The following SIX2 variants were observed in gnomAD, a reference collection of about 807,000 sequenced individuals.
SIX2 encodes the protein homeobox protein SIX2.
A neutral mutation model predicts 22.8 loss-of-function variants in SIX2; 20 were observed. The observed-to-expected ratio is 0.88, with a 90% CI of 0.62 to 1.28. The LOEUF is 1.28. Ranked by LOEUF, SIX2 falls within the 50% of genes most tolerant of loss-of-function variation. SIX2 has a pLI of 0.00. For synonymous variants in SIX2, 195 were observed against 186.4 expected, an observed-to-expected ratio of 1.05 and a Z score of -0.37; for missense variants, 360 against 400.0, an observed-to-expected ratio of 0.90 and a Z score of 0.85.
Position 45,008,928 on chromosome 2 carries a change from G to C in SIX2, c.183C>G (p.Gly61=). The C allele has an allele frequency of 1.2e-6, 2 of 1,613,922 alleles. No homozygotes were observed. The highest frequency in any genetic ancestry group is 1.7e-6 in the Non-Finnish European group (2 of 1,179,970). ...KAKAVVAFHR[G]NFRELYKILE... ...GGATCTTGTAGAGCTCGCGGAAGTT[G>C]CCGCGGTGGAAGGCCACCACGGCCT... is the stretch of plus-strand genomic sequence containing the variant. The change falls in exon 1 of 2, where the codon GGC becomes GGG. Residue 61 remains glycine (G), a synonymous_variant. Transcript: ENST00000303077.
Position 45,008,700 on chromosome 2 carries a change from G to A in SIX2, c.411C>T (p.Ser137=), listed in dbSNP as rs1443425620. 1 of 1,614,104 alleles carries A rather than the reference G, an allele frequency of 6.2e-7. No individual in the cohort carries two copies. Among genetic ancestry groups the A allele is most frequent in the African/African-American group, 1.3e-5 (1 of 75,076 alleles). ...TSYCFKEKSR[S]VLREWYAHNP... is the part of the protein sequence containing the mutation. ...TGTGCGCGTACCACTCGCGCAGCAC[G>A]CTGCGACTCTTTTCCTTGAAGCAGT... The change falls in exon 1 of 2, where the codon AGC becomes AGT. Residue 137 remains serine (S), a synonymous_variant. Transcript: ENST00000303077.
At position 45,005,429 on chromosome 2, in the gene SIX2, C is replaced by G. The variant is rs80289874; in HGVS notation, c.*741G>C. The stretch of plus-strand genomic sequence containing the variant: ...AGGCGGCGTTTAGGGGCTTCTGTGG[C>G]GCTGCCCTTTCTCTCTCACTTAAGT... On this transcript the variant is annotated 3_prime_UTR_variant, in exon 2 of 2. Transcript: ENST00000303077. 1 of 152,290 alleles carries G rather than the reference C, an allele frequency of 6.6e-6. No homozygotes were observed. 9.4% of individuals were successfully genotyped at this position (152,290 alleles called of 1,614,324 possible).
Position 45,009,089 on chromosome 2 carries a change from C to G in SIX2, c.22G>C (p.Gly8Arg). The change falls in exon 1 of 2, where the codon GGC becomes CGC. Residue 8 changes from glycine to arginine, a missense_variant. Physicochemically the swap from Gly to Arg is moderately radical, Grantham distance 125. Coordinates refer to ENST00000303077, the MANE Select transcript of SIX2 (RefSeq NM_016932.5). The stretch of plus-strand genomic sequence containing the variant: ...CACGCCACTTGCTCCTGCGTGAAGC[C>G]GAAGGTGGGCAGCATGGACATGGTG... MSMLPTF[G>R]FTQEQVACVC... 6.3e-7 allele frequency: 1 copy of G among 1,585,854 alleles called. No homozygotes were observed. The highest frequency in any genetic ancestry group is 8.5e-7 in the Non-Finnish European group (1 of 1,172,324).
chr2:45,006,153 A>T lies in SIX2; in HGVS notation c.*17T>A. 1 of 1,612,048 alleles carries T rather than the reference A, an allele frequency of 6.2e-7. No individual in the cohort carries two copies. Among genetic ancestry groups the T allele is most frequent in the Non-Finnish European group, 8.5e-7 (1 of 1,178,294 alleles). ...GTGTCAAGTCACAAAAGGCAAGCTC[A>T]TCAAGGCAAATGGGTTCTAGGAGCC... On this transcript the variant is annotated 3_prime_UTR_variant, in exon 2 of 2. Coordinates refer to ENST00000303077, the MANE Select transcript of SIX2 (RefSeq NM_016932.5). This position sits in a 1 kb window ranked among gnomAD's most constrained non-coding sequence, Gnocchi z 4.2.
Position 45,005,755 on chromosome 2 carries a change from C to G in SIX2, c.*415G>C. 1 of 317,572 alleles carries G rather than the reference C, an allele frequency of 3.1e-6. No homozygotes were observed. Among genetic ancestry groups the G allele is most frequent in the Non-Finnish European group, 6.0e-6 (1 of 165,444 alleles). 19.7% of individuals were successfully genotyped at this position (317,572 alleles called of 1,614,324 possible). A position where few individuals can be genotyped will look rare whatever the true frequency, so the allele number is the denominator to read the frequency against. ...GACAGAAGGAGAGAATGAACGGTGGCAAGCTAGAAATCTAGAAGGAAAGCA... is the reference window on the plus strand; with the variant it reads ...GACAGAAGGAGAGAATGAACGGTGGGAAGCTAGAAATCTAGAAGGAAAGCA... On this transcript the variant is annotated 3_prime_UTR_variant, in exon 2 of 2. Transcript: ENST00000303077.
rs1185453944 is a variant in SIX2 at position 45,009,154 on chromosome 2, G to A, written c.-44C>T. 4.1e-6 allele frequency: 6 copies of A among 1,476,244 alleles called. No homozygotes were observed. The African/African-American group carries it at 5.8e-5, about 14-fold the overall frequency. 91.4% of individuals were successfully genotyped at this position (1,476,244 alleles called of 1,614,324 possible). ...GCCCGCCCGCGCGCGCCCTCACCGG[G>A]CCGCGCGGTCCCGCATGGGAGCTTC... On this transcript the variant is annotated 5_prime_UTR_variant, in exon 1 of 2. Transcript: ENST00000303077.
intron 1 of SIX2, 93 bp downstream of exon 1, chr2:45,008,458 G>C: frequency 1.4e-6 from 2 of 1,409,034 alleles, no homozygotes; most frequent in Non-Finnish European, 2.0e-6. Context: ...TGGGGGCCCA[G>C]TTTAGGCCTC....
In SIX2 at chr2:45,009,375, T is replaced by TGCTCCGCGC. The variant is rs1043263252; in HGVS notation, c.-274_-266dup. 1 of 162,902 alleles carries TGCTCCGCGC rather than the reference T, an allele frequency of 6.1e-6. No homozygotes were observed. The highest frequency in any genetic ancestry group is 1.3e-5 in the Non-Finnish European group (1 of 76,820). The allele number at this position is 162,902 out of a possible 1,614,324, so 10.1% of individuals were successfully genotyped here. On this transcript the variant is annotated 5_prime_UTR_variant, in exon 1 of 2. Transcript: ENST00000303077. Reference sequence around the variant, plus strand: ...GGGCCGCCCGGGGCGCCGCTCCGCATGCTCCGCGCCCGCCCGCCGTTCCCT... The same window carrying TGCTCCGCGC: ...GGGCCGCCCGGGGCGCCGCTCCGCATGCTCCGCGCGCTCCGCGCCCGCCCGCCGTTCCCT...
At position 45,005,908 on chromosome 2, in the gene SIX2, C is replaced by T. The variant is rs1572647967; in HGVS notation, c.*262G>A. 4.2e-5 allele frequency: 25 copies of T among 589,000 alleles called. No individual in the cohort carries two copies. In the East Asian group the frequency reaches 7.0e-4, roughly 16 times the overall value. The allele number at this position is 589,000 out of a possible 1,614,324, so 36.5% of individuals were successfully genotyped here. On this transcript the variant is annotated 3_prime_UTR_variant, in exon 2 of 2. Transcript: ENST00000303077. ...AGAGACAGAGGGAGAGAGAGAATGA[C>T]AGTGGTGTATAATTTATTCCCTTCT...
At chr2:45,007,791 C>A (rs1667792638) in intron 1 of SIX2, among the ~76,000 whole-genome samples, 1 of 152,128 alleles carries the variant, frequency 6.6e-6, no homozygotes, top group African/African-American at 2.4e-5. Context: ...CCTGGTTTAC[C>A]TGAGGACATC....
In SIX2 at chr2:45,006,389, C is replaced by CGATGGAGTCT. The variant is rs1558439864; in HGVS notation, c.647_656dup (p.Gly220AspfsTer116). 1 of 1,614,184 alleles carries CGATGGAGTCT rather than the reference C, an allele frequency of 6.2e-7. No homozygotes were observed. The highest frequency in any genetic ancestry group is 2.2e-5 in the East Asian group (1 of 44,882). The stretch of plus-strand genomic sequence containing the variant: ...TGGATGATGAGTGGTCTGGCGTCCC[C>CGATGGAGTCT]GATGGAGTCTTCTCATCCTCCGAGC... On this transcript the variant is annotated frameshift_variant, in exon 2 of 2. Coordinates refer to ENST00000303077, the MANE Select transcript of SIX2 (RefSeq NM_016932.5). LOFTEE classifies it high-confidence loss of function. The surrounding 1 kb of genome is among the most constrained non-coding windows in gnomAD (Gnocchi z 4.2).
intron 1 of SIX2, among the ~76,000 whole-genome samples, chr2:45,008,345 C>T (rs1199774687): frequency 6.6e-6 from 1 of 152,276 alleles, no homozygotes; most frequent in Non-Finnish European, 1.5e-5. Context: ...TCCTGAATTG[C>T]TCTGCCCGCT....
At position 45,005,949 on chromosome 2, in the gene SIX2, G is replaced by T. The variant is rs1471632055; in HGVS notation, c.*221C>A. ...ATTCCCTTCTGTGGTTCAAGACTCA[G>T]TCTCCAGCCCCAAAAGGATCCTAAA... On this transcript the variant is annotated 3_prime_UTR_variant, in exon 2 of 2. Transcript: ENST00000303077. The T allele has an allele frequency of 1.2e-5, 8 of 644,368 alleles. No homozygotes were observed. The highest frequency in any genetic ancestry group is 2.3e-5 in the Non-Finnish European group (8 of 353,354). 39.9% of individuals were successfully genotyped at this position (644,368 alleles called of 1,614,324 possible).
In SIX2 at chr2:45,008,535, G is replaced by A; in HGVS notation, c.560+16C>T. 6.2e-7 allele frequency: 1 copy of A among 1,612,312 alleles called. No individual in the cohort carries two copies. The highest frequency in any genetic ancestry group is 8.5e-7 in the Non-Finnish European group (1 of 1,179,598). ...CCCCGGGGAGCTGGCGCCGAAGAAG[G>A]TCTACTTACTCGTACCTTTCCTTGG... On this transcript the variant is annotated intron_variant, in intron 1 of 1. Coordinates refer to ENST00000303077, the MANE Select transcript of SIX2 (RefSeq NM_016932.5).
At chr2:45,007,801 C>A (rs1176706980) in intron 1 of SIX2, among the ~76,000 whole-genome samples, 2 of 152,134 alleles carry the variant, frequency 1.3e-5, no homozygotes, top group Non-Finnish European at 2.9e-5. Context: ...CTGAGGACAT[C>A]CAACTCCCAG....
rs1667750989 is a variant in SIX2 at position 45,006,181 on chromosome 2, G to C, written c.865C>G (p.Leu289Val). 1.2e-6 allele frequency: 2 copies of C among 1,614,230 alleles called. No homozygotes were observed. The highest frequency in any genetic ancestry group is 1.7e-6 in the Non-Finnish European group (2 of 1,180,034). Reference protein sequence around the residue: ...LNPMSANLVDLGS With the variant: ...LNPMSANLVDVGS ...AAGGCAAATGGGTTCTAGGAGCCCAGGTCCACGAGGTTGGCTGACATGGGG... is the reference window on the plus strand; with the variant it reads ...AAGGCAAATGGGTTCTAGGAGCCCACGTCCACGAGGTTGGCTGACATGGGG... The change falls in exon 2 of 2, where the codon CTG (leucine) becomes GTG (valine). Residue 289 changes from leucine (L) to valine (V), a missense_variant. Physicochemically the swap from Leu to Val is conservative, Grantham distance 32. Coordinates refer to ENST00000303077, the MANE Select transcript of SIX2 (RefSeq NM_016932.5). This position sits in a 1 kb window ranked among gnomAD's most constrained non-coding sequence, Gnocchi z 4.2.
rs1667827497 is a variant in SIX2, at chr2:45,009,176, C to T, written c.-66G>A. 7.4e-7 allele frequency: 1 copy of T among 1,351,428 alleles called. No individual in the cohort carries two copies. Among genetic ancestry groups the T allele is most frequent in the Admixed American group, 3.7e-5 (1 of 27,356 alleles). 83.7% of individuals were successfully genotyped at this position (1,351,428 alleles called of 1,614,324 possible). On this transcript the variant is annotated 5_prime_UTR_variant, in exon 1 of 2. Coordinates refer to ENST00000303077, the MANE Select transcript of SIX2 (RefSeq NM_016932.5). ...CGGGCCGCGCGGTCCCGCATGGGAG[C>T]TTCCTCGCCGGGCCGTCCGGGCCGA...
At position 45,006,272 on chromosome 2, in the gene SIX2, C is replaced by G. The variant is rs150988696; in HGVS notation, c.774G>C (p.Pro258=). 9.7e-4 allele frequency: 1,567 copies of G among 1,614,180 alleles called. 1 individual carries two copies. Among genetic ancestry groups the G allele is most frequent in the Non-Finnish European group, 1.3e-3 (1,498 of 1,180,006 alleles). ...GGTCCGCTCCACCTCCGCCTGGCAC[C>G]GGCACTGGCACTGCGCTGGGGCCCG... The part of the protein sequence containing the change: ...HPPGPSAVPV[P]VPGGGGADPL... The change falls in exon 2 of 2, where the codon CCG becomes CCC. Residue 258 remains proline (P), a synonymous_variant. Transcript: ENST00000303077. The surrounding 1 kb of genome is among the most constrained non-coding windows in gnomAD (Gnocchi z 4.2).
chr2:45,006,219 T>C lies in SIX2; in HGVS notation c.827A>G (p.Asp276Gly). 1.2e-6 allele frequency: 2 copies of C among 1,614,100 alleles called. No homozygotes were observed. Among genetic ancestry groups the C allele is most frequent in the South Asian group, 2.2e-5 (2 of 91,078 alleles). Residue 276 changes from aspartate to glycine, a missense_variant, in exon 2 of 2, where the codon GAC (aspartate) becomes GGC (glycine). By Grantham distance (94) the Asp-to-Gly change is moderately conservative. Coordinates refer to ENST00000303077, the MANE Select transcript of SIX2 (RefSeq NM_016932.5). The surrounding 1 kb of genome is among the most constrained non-coding windows in gnomAD (Gnocchi z 4.2). ...GGCTGACATGGGGTTGAGGATGGAG[T>C]CCTGCAGGCCATGGTGGTGTTGCAG... Reference protein sequence around the residue: ...DPLQHHHGLQDSILNPMSANL... With the variant: ...DPLQHHHGLQGSILNPMSANL...
Sources: allele counts gnomAD v4.1 joint callset (sites outside exome capture counted in the v4.1 genomes callset), GRCh38; gene constraint gnomAD v4.1.1; non-coding constraint Gnocchi (gnomAD v3.1); transcripts MANE v1.5; gene names NCBI Gene and HGNC (gene_info 2026-07-23, HGNC 2026-07-21).